ZHX2: variants seen among roughly 807,000 people sequenced by gnomAD.
ZHX2 encodes the protein zinc fingers and homeoboxes 2, also known as zinc fingers and homeoboxes protein 2.
ZHX2 carries 6 observed loss-of-function variants against 21.9 expected under a neutral mutation model. The ratio of observed to expected loss-of-function variants is 0.27; its 90% confidence interval spans 0.15 to 0.54. The LOEUF (loss-of-function observed/expected upper bound fraction) is 0.54. ZHX2 is among the 20% of genes least tolerant of loss of function. ZHX2 has a pLI of 0.95. For synonymous variants in ZHX2, 434 were observed against 437.1 expected (o/e 0.99, Z 0.09); for missense variants, 908 against 1,090.7 (o/e 0.83, Z 2.36).
At chr8:122,884,959 G>A (rs546358521) in intron 2 of ZHX2, among the ~76,000 whole-genome samples, 1 of 152,332 alleles carries the variant, frequency 6.6e-6, no homozygotes, top group Admixed American at 6.5e-5. Flanking sequence ...GATGTGATCT[G>A]ATTTACATTT....
intron 1 of ZHX2, among the ~76,000 whole-genome samples, chr8:122,847,892 C>T (rs930858926): frequency 3.3e-5 from 5 of 152,174 alleles, no homozygotes; most frequent in Non-Finnish European, 5.9e-5. Context: ...GGGAGACAGG[C>T]AGCACAGGAG....
intron 2 of ZHX2, among the ~76,000 whole-genome samples, chr8:122,948,163 C>T (rs935022372): frequency 6.6e-6 from 1 of 152,016 alleles, no homozygotes; most frequent in African/African-American, 2.4e-5. Context: ...TGGGCGTGGG[C>T]CTAGACTCTC....
chr8:122,827,961 A>G (rs1818297492), intron 1 of ZHX2, among the ~76,000 whole-genome samples: 2 of 152,160 alleles, frequency 1.3e-5, no homozygotes, highest in Admixed American at 1.3e-4. Flanking sequence ...AAAAAATTTA[A>G]AAATTAGTTG....
At chr8:122,822,242 A>G (rs1249226641) in intron 1 of ZHX2, among the ~76,000 whole-genome samples, 2 of 152,146 alleles carry the variant, frequency 1.3e-5, no homozygotes, top group African/African-American at 2.4e-5. Flanking sequence ...AGGCCCAGCG[A>G]GTGAAGGGGA....
chr8:122,820,320 G>A (rs1399367338), intron 1 of ZHX2, among the ~76,000 whole-genome samples: 1 of 152,188 alleles, frequency 6.6e-6, no homozygotes, highest in Non-Finnish European at 1.5e-5. Flanking sequence ...GCTGCCTTGG[G>A]CCCCTCAGAG....
intron 1 of ZHX2, among the ~76,000 whole-genome samples, chr8:122,809,638 C>G (rs1416477938): frequency 1.3e-5 from 2 of 152,208 alleles, no homozygotes; most frequent in Admixed American, 1.3e-4. Flanking sequence ...TTTTAGACAA[C>G]AAGCAACCGA....
intron 2 of ZHX2, among the ~76,000 whole-genome samples, chr8:122,873,880 T>C (rs1338252329): frequency 1.3e-5 from 2 of 152,148 alleles, no homozygotes; most frequent in Admixed American, 1.3e-4. Flanking sequence ...CAGCAATGGA[T>C]GCTTGAGTTT....
intron 1 of ZHX2, among the ~76,000 whole-genome samples, chr8:122,847,038 G>T (rs1185851269): frequency 6.6e-6 from 1 of 152,106 alleles, no homozygotes; most frequent in Non-Finnish European, 1.5e-5. Context: ...TTGTTATTGC[G>T]ATTAGCCTCC....
At chr8:122,906,681 T>G (rs1438842915) in intron 2 of ZHX2, among the ~76,000 whole-genome samples, 2 of 148,580 alleles carry the variant, frequency 1.3e-5, no homozygotes, top group African/African-American at 2.5e-5. Flanking sequence ...TTTTTTTTTT[T>G]TTTTTTTGAG....
intron 3 of ZHX2, among the ~76,000 whole-genome samples, chr8:122,962,915 C>A (rs1198760154): frequency 6.6e-6 from 1 of 151,738 alleles, no homozygotes; most frequent in Non-Finnish European, 1.5e-5. Flanking sequence ...TTTGGCCATT[C>A]ATATATCTTC....
intron 1 of ZHX2, among the ~76,000 whole-genome samples, chr8:122,861,193 C>T (rs1479396566): frequency 1.3e-5 from 2 of 152,102 alleles, no homozygotes; most frequent in East Asian, 1.9e-4. Context: ...GTGTCATGGA[C>T]AGCATGGAGT....
intron 3 of ZHX2, among the ~76,000 whole-genome samples, chr8:122,959,646 T>C (rs1321941621): frequency 2.0e-5 from 3 of 152,186 alleles, no homozygotes; most frequent in Non-Finnish European, 4.4e-5. Flanking sequence ...CCATCACTCA[T>C]TAGCTCCAAT....
At chr8:122,947,834 C>T (rs761116775) in intron 2 of ZHX2, among the ~76,000 whole-genome samples, 1 of 150,022 alleles carries the variant, frequency 6.7e-6, no homozygotes, top group South Asian at 2.1e-4. Flanking sequence ...GAGCCGGGGC[C>T]GGAGCCTGCC....
intron 2 of ZHX2, among the ~76,000 whole-genome samples, chr8:122,900,873 A>G (rs1478686953): frequency 6.6e-6 from 1 of 152,204 alleles, no homozygotes; most frequent in Non-Finnish European, 1.5e-5. Context: ...CAGAGCTTGC[A>G]CTTACCATTA....
intron 2 of ZHX2, among the ~76,000 whole-genome samples, chr8:122,866,098 C>T (rs1272293283): frequency 1.3e-5 from 2 of 152,196 alleles, no homozygotes; most frequent in Non-Finnish European, 2.9e-5. Context: ...CCTTACTATC[C>T]TCCTTCCCTC....
chr8:122,858,468 G>A (rs1819083473), intron 1 of ZHX2, among the ~76,000 whole-genome samples: 1 of 152,076 alleles, frequency 6.6e-6, no homozygotes, highest in African/African-American at 2.4e-5. Flanking sequence ...GGACTCATGG[G>A]GAAAATGCCA....
At chr8:122,942,989 C>T (rs528634196) in intron 2 of ZHX2, among the ~76,000 whole-genome samples, 19 of 152,214 alleles carry the variant, frequency 1.2e-4, no homozygotes, top group African/African-American at 4.1e-4. Flanking sequence ...TGGCCAGGCA[C>T]GGTGGCTCAT....
intron 1 of ZHX2, among the ~76,000 whole-genome samples, chr8:122,840,229 G>T (rs1302510600): frequency 1.3e-5 from 2 of 152,194 alleles, no homozygotes; most frequent in African/African-American, 4.8e-5. Context: ...TTTAGAAAAT[G>T]ATTAATTATT....
intron 1 of ZHX2, among the ~76,000 whole-genome samples, chr8:122,807,052 A>G (rs894768817): frequency 6.6e-5 from 10 of 152,134 alleles, no homozygotes; most frequent in African/African-American, 2.4e-4. Context: ...AGTGTGGAGA[A>G]GGGTGGACAG....
Sources: allele counts gnomAD v4.1 joint callset (sites outside exome capture counted in the v4.1 genomes callset), GRCh38; gene constraint gnomAD v4.1.1; transcripts MANE v1.5; gene names NCBI Gene and HGNC (gene_info 2026-07-23, HGNC 2026-07-21).